DIP2C: variants seen among roughly 807,000 people sequenced by gnomAD.
DIP2C encodes disco-interacting protein 2 homolog C.
A neutral mutation model predicts 192.4 loss-of-function variants in DIP2C; 33 were observed. The ratio of observed to expected loss-of-function variants is 0.17; its 90% CI spans 0.13 to 0.23. The LOEUF is 0.23. Among genes scored for constraint, DIP2C ranks in the 10% least tolerant of loss-of-function variants. The pLI is 1.00. For missense variants in DIP2C, 1,537 were observed against 2,110.1 expected (o/e 0.73, Z 5.32); for synonymous variants, 979 against 864.1 (o/e 1.13, Z -2.33).
At chr10:650,627 G>A (rs975715137) in intron 1 of DIP2C, among the ~76,000 whole-genome samples, 4 of 152,242 alleles carry the variant, frequency 2.6e-5, no homozygotes, top group Middle Eastern at 3.4e-3. Context: ...TCCACCTGCC[G>A]AGGGCCGGAG....
intron 31 of DIP2C, chr10:311,654 G>T: frequency 9.0e-7 from 1 of 1,108,900 alleles, no homozygotes; most frequent in Non-Finnish European, 1.1e-6. Flanking sequence ...AGACACATAC[G>T]ACCCGACAGT....
chr10:286,291 C>A lies in DIP2C; in HGVS notation c.4101G>T (p.Gly1367=), dbSNP rs186984094. ...AACTCACCTCTCCAAGGTGTGAGTC[C>A]CCCAGCGGTCCTTTTGTTTCTGGGT... ...IANPETKGPL[G]DSHLGEIWVH... is the part of the protein sequence containing the mutation. Residue 1367 remains glycine (G), a synonymous_variant, in exon 34 of 37, where the codon GGG becomes GGT. Transcript: ENST00000280886. 4.0e-4 allele frequency: 652 copies of A among 1,614,038 alleles called. 17 individuals carry two copies. The South Asian group carries it at 6.7e-3, about 17-fold the overall frequency.
intron 1 of DIP2C, among the ~76,000 whole-genome samples, chr10:576,910 T>C (rs1189512973): frequency 1.3e-5 from 2 of 151,466 alleles, no homozygotes; most frequent in African/African-American, 4.9e-5. Flanking sequence ...AGAGCAAGAT[T>C]CTGTCTAATA....
At chr10:632,927 G>A (rs1264698564) in intron 1 of DIP2C, among the ~76,000 whole-genome samples, 2 of 151,220 alleles carry the variant, frequency 1.3e-5, no homozygotes, top group Non-Finnish European at 1.5e-5. Flanking sequence ...TGCGGGCACC[G>A]GTGTGAACCC....
In DIP2C at chr10:369,758, G is replaced by A. The variant is rs748783372; in HGVS notation, c.1992-125C>T. On this transcript the variant is annotated intron_variant, in intron 17 of 36. Transcript: ENST00000280886. ...GCACAGTGCTGGCACCCCAGGCACAGTGCTGGCTGCCCATGTGGCTGCATT... is the reference window on the plus strand; with the variant it reads ...GCACAGTGCTGGCACCCCAGGCACAATGCTGGCTGCCCATGTGGCTGCATT... 8 of 1,521,604 alleles carry A rather than the reference G, an allele frequency of 5.3e-6. No homozygotes were observed. In the South Asian group the frequency reaches 5.7e-5, roughly 11 times the overall value. 94.3% of individuals were successfully genotyped at this position (1,521,604 alleles called of 1,614,324 possible). A position where few individuals can be genotyped will look rare whatever the true frequency, so the allele number is the denominator to read the frequency against.
At chr10:644,506 C>T (rs1855357042) in intron 1 of DIP2C, among the ~76,000 whole-genome samples, 1 of 152,296 alleles carries the variant, frequency 6.6e-6, no homozygotes, top group Non-Finnish European at 1.5e-5. Context: ...CTTGCTCTGT[C>T]AGCAACACGG....
chr10:689,503 G>A lies in DIP2C; in HGVS notation c.76C>T (p.Leu26=). The A allele has an allele frequency of 1.6e-6, 2 of 1,271,552 alleles. No homozygotes were observed. The highest frequency in any genetic ancestry group is 2.0e-6 in the Non-Finnish European group (2 of 989,596). 78.8% of individuals were successfully genotyped at this position (1,271,552 alleles called of 1,614,324 possible). The change falls in exon 1 of 37, where the codon CTG becomes TTG. Residue 26 remains leucine (L), a synonymous_variant. Coordinates refer to ENST00000280886, the MANE Select transcript of DIP2C (RefSeq NM_014974.3). This position sits in a 1 kb window ranked among gnomAD's most constrained non-coding sequence, Gnocchi z 6.1. ...GCGGGGGCCCGGTTACCTTCCGACA[G>A]CTCCAGCTCCAGCTCGGCCAGGCGC... The part of the protein sequence containing the change: ...RARLAELELE[L]SEGDITQKGY...
At chr10:334,232 T>C (rs1957639841) in intron 29 of DIP2C, among the ~76,000 whole-genome samples, 1 of 132,856 alleles carries the variant, frequency 7.5e-6, no homozygotes, top group African/African-American at 2.9e-5. Flanking sequence ...ACTTGAACCT[T>C]GGAGGCAGAG....
At chr10:451,434 C>T (rs1269738356) in intron 3 of DIP2C, among the ~76,000 whole-genome samples, 2 of 152,194 alleles carry the variant, frequency 1.3e-5, no homozygotes, top group East Asian at 3.9e-4. Flanking sequence ...AAACCACAAC[C>T]ACCGCAACCC....
chr10:435,291 G>GA (rs1967088057), intron 4 of DIP2C, among the ~76,000 whole-genome samples: 1 of 152,154 alleles, frequency 6.6e-6, no homozygotes, highest in African/African-American at 2.4e-5. Context: ...TAGCTTCTCT[G>GA]GAAGGTAGAC....
intron 17 of DIP2C, 54 bp downstream of exon 17, chr10:382,590 CGCT>C (rs1564641120): frequency 7.2e-6 from 10 of 1,382,282 alleles, no homozygotes; most frequent in Middle Eastern, 1.8e-4. Context: ...GATCTCCCTT[CGCT>C]GCTGAATTAG....
chr10:305,292 A>C (rs1956264204), intron 32 of DIP2C, among the ~76,000 whole-genome samples: 1 of 152,196 alleles, frequency 6.6e-6, no homozygotes, highest in African/African-American at 2.4e-5. Flanking sequence ...ACACACTTGC[A>C]AAACACACAT....
intron 22 of DIP2C, among the ~76,000 whole-genome samples, chr10:361,772 C>G (rs1032161352): frequency 6.6e-6 from 1 of 152,158 alleles, no homozygotes; most frequent in African/African-American, 2.4e-5. Flanking sequence ...AGGCGGCAGA[C>G]AGAGGCAGCG....
At chr10:337,555 T>C (rs960225121) in intron 29 of DIP2C, among the ~76,000 whole-genome samples, 4 of 145,284 alleles carry the variant, frequency 2.8e-5, no homozygotes, top group Admixed American at 2.7e-4. Flanking sequence ...TAGGAAGCTG[T>C]GTGTGTGCTG....
chr10:345,177 G>T (rs781389760), intron 26 of DIP2C, 67 bp from the exon 27 acceptor site: 1 of 1,420,582 alleles, frequency 7.0e-7, no homozygotes, highest in South Asian at 1.2e-5. Context: ...CACTTCACAC[G>T]GGTCTCCTGC....
chr10:345,423 A>AGT (rs1958393807), intron 26 of DIP2C, among the ~76,000 whole-genome samples: 1 of 151,768 alleles, frequency 6.6e-6, no homozygotes, highest in Non-Finnish European at 1.5e-5. Flanking sequence ...GAAACCCCAC[A>AGT]CACACACACC....
At chr10:444,356 G>T (rs1274215298) in intron 3 of DIP2C, among the ~76,000 whole-genome samples, 4 of 95,550 alleles carry the variant, frequency 4.2e-5, no homozygotes, top group African/African-American at 1.8e-4. Flanking sequence ...TGGAGCCCAC[G>T]GCATAGTGTT....
intron 22 of DIP2C, among the ~76,000 whole-genome samples, chr10:359,109 T>A (rs1959195138): frequency 6.6e-6 from 1 of 152,142 alleles, no homozygotes; most frequent in Non-Finnish European, 1.5e-5. Flanking sequence ...CAGATGCAGC[T>A]GACGGGGCAG....
intron 18 of DIP2C, among the ~76,000 whole-genome samples, chr10:368,397 G>T (rs192017326): frequency 6.6e-6 from 1 of 152,226 alleles, no homozygotes; most frequent in Non-Finnish European, 1.5e-5. Flanking sequence ...ATGGAGCCAG[G>T]GGGGCCTGGC....
Sources: allele counts gnomAD v4.1 joint callset (sites outside exome capture counted in the v4.1 genomes callset), GRCh38; gene constraint gnomAD v4.1.1; non-coding constraint Gnocchi (gnomAD v3.1); transcripts MANE v1.5; gene names NCBI Gene and HGNC (gene_info 2026-07-23, HGNC 2026-07-21).